The following HIP1 variants were observed in gnomAD, a reference collection of about 807,000 sequenced individuals.
HIP1 encodes huntingtin interacting protein 1.
A neutral mutation model predicts 147.6 loss-of-function variants in HIP1; 65 were observed. That is an observed-to-expected ratio of 0.44 (90% CI 0.36 to 0.54). The LOEUF (loss-of-function observed/expected upper bound fraction) is 0.54. Among genes scored for constraint, HIP1 ranks in the 20% least tolerant of loss-of-function variants. The pLI, the probability that HIP1 is intolerant of heterozygous loss-of-function variation, is 0.00. For missense variants in HIP1, 1,061 were observed against 1,299.6 expected (o/e 0.82, Z 2.82); for synonymous variants, 479 against 504.0 (o/e 0.95, Z 0.67).
At chr7:75,699,017 T>A (rs1353911990) in intron 1 of HIP1, among the ~76,000 whole-genome samples, 1 of 152,084 alleles carries the variant, frequency 6.6e-6, no homozygotes, top group African/African-American at 2.4e-5. Flanking sequence ...TTTCACTTTT[T>A]TTTTCTGGAA....
chr7:75,556,793 CTTCCAGCTG>C lies in HIP1; in HGVS notation c.1591_1599del (p.Gln531_Glu533del), dbSNP rs782165710. On this transcript the variant is annotated inframe_deletion, in exon 17 of 31. Transcript: ENST00000336926. ...AGTTCCTGCTTCAAGCTCTCTAGAA[CTTCCAGCTG>C]TTCTTGAGTCTGAAAGAGAAGAAAA... is the stretch of plus-strand genomic sequence containing the variant. 3.0e-5 allele frequency: 48 copies of C among 1,611,888 alleles called. No individual in the cohort carries two copies. The South Asian group carries it at 4.8e-4, about 16-fold the overall frequency.
chr7:75,697,162 T>G (rs1443936490), intron 1 of HIP1, among the ~76,000 whole-genome samples: 6 of 152,234 alleles, frequency 3.9e-5, no homozygotes, highest in African/African-American at 1.2e-4. Flanking sequence ...CTATTCCTGC[T>G]GACCTGCAAG....
At chr7:75,603,212 G>T (rs919405920) in intron 1 of HIP1, among the ~76,000 whole-genome samples, 2 of 152,080 alleles carry the variant, frequency 1.3e-5, no homozygotes, top group South Asian at 4.2e-4. Flanking sequence ...GCTGGGTGTG[G>T]TGGTGTGTGC....
rs587617656 is a variant in HIP1 at position 75,554,584 on chromosome 7, C to T, written c.1964-58G>A. 610 of 1,307,916 alleles carry T rather than the reference C, an allele frequency of 4.7e-4. 6 individuals are homozygous for T. In the South Asian group the frequency reaches 6.8e-3, roughly 15 times the overall value. 81.0% of individuals were successfully genotyped at this position (1,307,916 alleles called of 1,614,324 possible). A position where few individuals can be genotyped will look rare whatever the true frequency, so the allele number is the denominator to read the frequency against. On this transcript the variant is annotated intron_variant, in intron 19 of 30. Transcript: ENST00000336926. ...AAGTTCTCATAGCTGGCTTCATCCT[C>T]GTTAATTAAGCACTGAATGGAGGAG...
chr7:75,545,231 T>G, intron 25 of HIP1, 43 bp from the exon 26 acceptor site: 1 of 1,115,456 alleles, frequency 9.0e-7, no homozygotes. Context: ...TTATTGAGCA[T>G]GTACTATATG....
intron 1 of HIP1, among the ~76,000 whole-genome samples, chr7:75,728,787 CAAAAAAAAAAA>C (rs782634244): frequency 1.6e-5 from 1 of 62,776 alleles, no homozygotes; most frequent in Non-Finnish European, 3.2e-5. Flanking sequence ...GACTCTGTCT[CAAAAAAAAAAA>C]AAAAAAAAAA....
intron 8 of HIP1, among the ~76,000 whole-genome samples, chr7:75,570,294 CTT>C (rs782607899): frequency 2.2e-5 from 3 of 135,162 alleles, no homozygotes; most frequent in Non-Finnish European, 3.2e-5. Context: ...TGACACGTTT[CTT>C]TTTTTTTTTT....
chr7:75,546,263 A>G lies in HIP1; in HGVS notation c.2559+676T>C, dbSNP rs587730572. Among the ~76,000 whole-genome samples the G allele has an allele frequency of 3.3e-5, 5 of 152,342 alleles. No individual in the cohort carries two copies. In the East Asian group the frequency reaches 7.7e-4, roughly 23 times the overall value. Reference sequence around the variant, plus strand: ...TTTTTATGCTTTGGAAGTGTCTGATAGTCTGAGAATCTGCAGATAATCCTT... The same window carrying G: ...TTTTTATGCTTTGGAAGTGTCTGATGGTCTGAGAATCTGCAGATAATCCTT... On this transcript the variant is annotated intron_variant, in intron 25 of 30. Coordinates refer to ENST00000336926, the MANE Select transcript of HIP1 (RefSeq NM_005338.7).
At chr7:75,698,565 C>T (rs1457348743) in intron 1 of HIP1, among the ~76,000 whole-genome samples, 2 of 152,094 alleles carry the variant, frequency 1.3e-5, no homozygotes, top group African/African-American at 4.8e-5. Context: ...TGACTGTAAT[C>T]CCAGCACTTT....
intron 1 of HIP1, among the ~76,000 whole-genome samples, chr7:75,660,531 A>C (rs1799279760): frequency 6.6e-6 from 1 of 152,158 alleles, no homozygotes; most frequent in African/African-American, 2.4e-5. Flanking sequence ...TGTCTCAAAA[A>C]CGAAAACACA....
Position 75,583,120 on chromosome 7 carries a change from G to A in HIP1, c.466-969C>T, listed in dbSNP as rs111932935. Among the ~76,000 whole-genome samples, 974 of 152,044 alleles carry A rather than the reference G, an allele frequency of 6.4e-3. 11 individuals are homozygous for A. Among genetic ancestry groups the A allele is most frequent in the African/African-American group, 0.022 (919 of 41,476 alleles). ...GCCCTCAAGTCCACCCACTACTCAC[G>A]CTTCTGTCTCAGAGATGGCCAGTCC... On this transcript the variant is annotated intron_variant, in intron 5 of 30. Transcript: ENST00000336926.
At chr7:75,700,591 G>C (rs1800794134) in intron 1 of HIP1, among the ~76,000 whole-genome samples, 1 of 152,100 alleles carries the variant, frequency 6.6e-6, no homozygotes, top group Non-Finnish European at 1.5e-5. Flanking sequence ...CTGACATGGA[G>C]CTTACCATCT....
At chr7:75,594,693 G>A (rs915441247) in intron 2 of HIP1, among the ~76,000 whole-genome samples, 29 of 152,254 alleles carry the variant, frequency 1.9e-4, no homozygotes, top group African/African-American at 6.3e-4. Context: ...AGAATCACTT[G>A]AACCTGGGAG....
chr7:75,659,066 G>A (rs1743504073), intron 1 of HIP1, among the ~76,000 whole-genome samples: 1 of 152,196 alleles, frequency 6.6e-6, no homozygotes, highest in Non-Finnish European at 1.5e-5. Flanking sequence ...TGACATTGAC[G>A]TGTCCTCACA....
chr7:75,651,849 G>A (rs377418109), intron 1 of HIP1, among the ~76,000 whole-genome samples: 1 of 151,956 alleles, frequency 6.6e-6, no homozygotes, highest in East Asian at 1.9e-4. Flanking sequence ...GTTAGTGATT[G>A]TTTTTATTAA....
At chr7:75,608,152 C>CA (rs1172549277) in intron 1 of HIP1, among the ~76,000 whole-genome samples, 2 of 151,968 alleles carry the variant, frequency 1.3e-5, no homozygotes, top group East Asian at 3.9e-4. Context: ...TAAAAACACA[C>CA]AAAAAATTAG....
intron 1 of HIP1, among the ~76,000 whole-genome samples, chr7:75,668,997 C>G (rs1799648867): frequency 6.6e-6 from 1 of 151,914 alleles, no homozygotes; most frequent in Non-Finnish European, 1.5e-5. Flanking sequence ...GCGGGCAGAT[C>G]ACTTGAAGTC....
chr7:75,687,900 T>C (rs2240133), intron 1 of HIP1, among the ~76,000 whole-genome samples: 108,167 of 151,866 alleles, frequency 0.71, 39,208 homozygotes, highest in African/African-American at 0.85. Context: ...GGCCTTTCCA[T>C]GTGATGTTTT....
chr7:75,592,689 G>C (rs1010245306), intron 2 of HIP1, among the ~76,000 whole-genome samples, 175 bp from the exon 3 acceptor site: 1 of 152,184 alleles, frequency 6.6e-6, no homozygotes, highest in Non-Finnish European at 1.5e-5. Flanking sequence ...AGGGGACCGA[G>C]CAGTAGTGCA....
Sources: gnomAD v4.1 joint callset for allele counts (sites outside exome capture counted in the v4.1 genomes callset) on GRCh38, gnomAD v4.1.1 for gene constraint, MANE v1.5 for transcripts, NCBI Gene and HGNC (gene_info 2026-07-23, HGNC 2026-07-21) for gene names.